Variants in ARMC2 observed in about 807,000 individuals in gnomAD.
The protein encoded by ARMC2 is armadillo repeat containing 2.
In ARMC2, 67 loss-of-function variants were observed where a neutral mutation model predicts 90.3. The observed-to-expected ratio is 0.74, with a 90% CI of 0.61 to 0.91. The LOEUF is 0.91. ARMC2 is among the 40% of genes least tolerant of loss of function. The pLI is 0.00. For synonymous variants in ARMC2, 393 were observed against 393.0 expected (o/e 1.00, Z 0.00); for missense variants, 920 against 1,030.9 (o/e 0.89, Z 1.47).
chr6:108,968,357 G>A (rs904345331), intron 17 of ARMC2, among the ~76,000 whole-genome samples: 5 of 152,172 alleles, frequency 3.3e-5, no homozygotes, highest in Non-Finnish European at 5.9e-5. Flanking sequence ...CAGCCGCTCC[G>A]TTACCTAGAA....
intron 15 of ARMC2, among the ~76,000 whole-genome samples, chr6:108,962,645 C>T (rs1778079442): frequency 6.6e-6 from 1 of 152,164 alleles, no homozygotes; most frequent in African/African-American, 2.4e-5. Context: ...ATTGCTTCTG[C>T]ACAGGTATTC....
the ARMC2 span, chr6:108,994,694 A>ATATC: frequency 1.8e-6 from 1 of 548,260 alleles, no homozygotes; most frequent in African/African-American, 2.1e-5. Context: ...ATAAGAATTT[A>ATATC]TATCTTTTTT....
At chr6:109,052,600 CT>C in the ARMC2 span, among the ~76,000 whole-genome samples, 1 of 152,212 alleles carries the variant, frequency 6.6e-6, no homozygotes, top group South Asian at 2.1e-4. Context: ...TCATTATGTA[CT>C]TTTTAAATGT....
At chr6:109,008,108 G>A in the ARMC2 span, among the ~76,000 whole-genome samples, 1 of 152,144 alleles carries the variant, frequency 6.6e-6, no homozygotes, top group African/African-American at 2.4e-5. Context: ...CATAAGCGCT[G>A]TAACAATATG....
intron 3 of ARMC2, among the ~76,000 whole-genome samples, chr6:108,867,559 G>A (rs1775944462): frequency 1.3e-5 from 2 of 152,056 alleles, no homozygotes; most frequent in African/African-American, 2.4e-5. Context: ...CTGAGGTCAG[G>A]AGTTCGCGAC....
the ARMC2 span, among the ~76,000 whole-genome samples, chr6:109,026,854 A>G: frequency 6.6e-6 from 1 of 151,972 alleles, no homozygotes; most frequent in African/African-American, 2.4e-5. Flanking sequence ...TAGTTGTACC[A>G]TTTTATATTA....
chr6:108,948,681 T>G lies in ARMC2; in HGVS notation c.1597-4352T>G, dbSNP rs1035684418. Among the ~76,000 whole-genome samples, 6 of 151,734 alleles carry G rather than the reference T, an allele frequency of 4.0e-5. No homozygotes were observed. The South Asian group carries it at 8.3e-4, about 21-fold the overall frequency. ...TCTTCCTGCCCTACAGCCTAGAGCT[T>G]CTTCTTCTGCACTGGAGGCTTACTA... On this transcript the variant is annotated intron_variant, in intron 12 of 17. Coordinates refer to ENST00000392644, the MANE Select transcript of ARMC2 (RefSeq NM_032131.6).
chr6:108,933,166 C>T (rs936696292), intron 11 of ARMC2, among the ~76,000 whole-genome samples: 7 of 151,960 alleles, frequency 4.6e-5, no homozygotes, highest in African/African-American at 1.7e-4. Flanking sequence ...TCAGTATGGC[C>T]ATTTTAATGG....
rs1241805774 is a variant in ARMC2 at position 108,889,389 on chromosome 6, G to A, written c.672-5078G>A. Among the ~76,000 whole-genome samples the A allele has an allele frequency of 5.3e-5, 8 of 151,628 alleles. No individual in the cohort carries two copies. The South Asian group carries it at 6.2e-4, about 12-fold the overall frequency. Reference sequence around the variant, plus strand: ...TCGAACTCCTGACCTCAGGCGATCCGCCTGCCTCGGCCTCCCAAAGTGCTG... The same window carrying A: ...TCGAACTCCTGACCTCAGGCGATCCACCTGCCTCGGCCTCCCAAAGTGCTG... On this transcript the variant is annotated intron_variant, in intron 5 of 17. Coordinates refer to ENST00000392644, the MANE Select transcript of ARMC2 (RefSeq NM_032131.6).
chr6:108,936,102 C>T (rs561073012), intron 11 of ARMC2, among the ~76,000 whole-genome samples: 1 of 152,116 alleles, frequency 6.6e-6, no homozygotes, highest in African/African-American at 2.4e-5. Context: ...TGTTTGCTTG[C>T]TTGCTTACTT....
At chr6:108,954,607 C>T (rs545944890) in intron 13 of ARMC2, among the ~76,000 whole-genome samples, 30 of 152,282 alleles carry the variant, frequency 2.0e-4, no homozygotes, top group African/African-American at 7.0e-4. Flanking sequence ...CTAGGTGACA[C>T]AGTGAGACTC....
chr6:108,931,819 A>G (rs1252083947), intron 11 of ARMC2, among the ~76,000 whole-genome samples: 2 of 150,944 alleles, frequency 1.3e-5, no homozygotes, highest in East Asian at 3.9e-4. Context: ...GCTGGAGTGC[A>G]ATGGCATGAT....
chr6:108,920,912 C>T (rs1033844405), intron 10 of ARMC2, among the ~76,000 whole-genome samples: 2 of 152,192 alleles, frequency 1.3e-5, no homozygotes, highest in East Asian at 1.9e-4. Context: ...GAAGTGAGGG[C>T]GGTGGATGGC....
chr6:108,955,330 G>A (rs1003681946), intron 13 of ARMC2, among the ~76,000 whole-genome samples: 10 of 152,208 alleles, frequency 6.6e-5, no homozygotes, highest in Non-Finnish European at 1.5e-4. Flanking sequence ...GCTAAGGGAC[G>A]GGTGGCAGAG....
intron 12 of ARMC2, among the ~76,000 whole-genome samples, chr6:108,950,948 C>T (rs1171605577): frequency 6.6e-6 from 1 of 152,194 alleles, no homozygotes; most frequent in African/African-American, 2.4e-5. Context: ...GGTGAGACTA[C>T]TAGGCCTGTG....
At chr6:108,965,943 T>G (rs1583229652) in intron 17 of ARMC2, among the ~76,000 whole-genome samples, 1 of 151,680 alleles carries the variant, frequency 6.6e-6, no homozygotes, top group East Asian at 1.9e-4. Flanking sequence ...GTGAACCACC[T>G]TGCCTGGCCA....
intron 8 of ARMC2, chr6:108,907,822 C>A: frequency 1.7e-6 from 2 of 1,204,432 alleles, no homozygotes; most frequent in Admixed American, 2.0e-5. Flanking sequence ...GCAGCTCCCC[C>A]AGTTTGACCT....
intron 10 of ARMC2, among the ~76,000 whole-genome samples, chr6:108,914,373 A>T (rs1773741959): frequency 6.6e-6 from 1 of 152,024 alleles, no homozygotes; most frequent in South Asian, 2.1e-4. Context: ...ACCAGGTCGG[A>T]TCCCCCCTCC....
chr6:109,028,205 A>G, the ARMC2 span, among the ~76,000 whole-genome samples: 1 of 152,230 alleles, frequency 6.6e-6, no homozygotes. Context: ...AATAGATCAT[A>G]TAAATTTTAT....
Sources: gnomAD v4.1 joint callset for allele counts (sites outside exome capture counted in the v4.1 genomes callset) on GRCh38, gnomAD v4.1.1 for gene constraint, MANE v1.5 for transcripts, NCBI Gene and HGNC (gene_info 2026-07-23, HGNC 2026-07-21) for gene names.